CHM: variants seen among roughly 807,000 people sequenced by gnomAD.
CHM encodes the protein CHM Rab escort protein.
In CHM, 10 loss-of-function variants were observed where a neutral mutation model predicts 49.0. That is an observed-to-expected ratio of 0.20 (90% confidence interval 0.13 to 0.35). CHM has a LOEUF of 0.35. Ranked by LOEUF, CHM falls within the 10% of genes least tolerant of loss-of-function variation. The pLI is 1.00. For missense variants in CHM, 455 were observed against 478.4 expected (o/e 0.95, Z 0.46); for synonymous variants, 184 against 167.5 (o/e 1.10, Z -0.76).
chrX:86,041,735 TATATATATATATATATATATATAC>T (rs1934470742), intron 1 of CHM, among the ~76,000 whole-genome samples: 1 of 28,582 alleles, frequency 3.5e-5, no homozygotes, highest in East Asian at 1.3e-3. Context: ...TGTATATATA[TATATATATATATATATATATATAC>T]ATATATATAT....
intron 2 of CHM, among the ~76,000 whole-genome samples, chrX:86,022,195 T>C (rs1933636398): frequency 8.9e-6 from 1 of 111,933 alleles, no homozygotes; most frequent in African/African-American, 3.2e-5. Flanking sequence ...TAAATGACAA[T>C]TTTTAAAAAA....
chrX:85,963,925 T>C lies in CHM; in HGVS notation c.442A>G (p.Thr148Ala). 2.5e-6 allele frequency: 3 copies of C among 1,211,455 alleles called. No homozygotes were observed. Among genetic ancestry groups the C allele is most frequent in the South Asian group, 1.8e-5 (1 of 56,936 alleles). The change falls in exon 5 of 15, where the codon ACT becomes GCT. Residue 148 changes from threonine (T) to alanine (A), a missense_variant. Physicochemically the swap from Thr to Ala is moderately conservative, Grantham distance 58 (BLOSUM62 0). Coordinates refer to ENST00000357749, the MANE Select transcript of CHM (RefSeq NM_000390.4). ...FLPTEDESLS[T>A]MSCEMLTEQT... ...TCTGTGAGCATTTCACAGCTCATAG[T>C]GCTTAATGACTCATCCTCCGTAGGC...
At chrX:85,918,307 T>C (rs1927572249) in intron 8 of CHM, among the ~76,000 whole-genome samples, 1 of 111,538 alleles carries the variant, frequency 9.0e-6, no homozygotes, top group Admixed American at 9.5e-5. Context: ...ATATCTAGCC[T>C]AAGTGTCATA....
chrX:85,935,986 AT>A (rs895842795), intron 8 of CHM, among the ~76,000 whole-genome samples: 9 of 112,143 alleles, frequency 8.0e-5, no homozygotes, highest in African/African-American at 2.9e-4. Flanking sequence ...TGCTAATTAA[AT>A]TTTAAAAAGT....
intron 2 of CHM, among the ~76,000 whole-genome samples, chrX:86,013,182 C>A (rs1354078927): frequency 9.0e-6 from 1 of 111,412 alleles, no homozygotes; most frequent in Non-Finnish European, 1.9e-5. Context: ...CAATAAAATT[C>A]TTCTCTGCCC....
In CHM at chrX:86,009,726, T is replaced by C. The variant is rs1012566414; in HGVS notation, c.116+17765A>G. On this transcript the variant is annotated intron_variant, in intron 2 of 14. Coordinates refer to ENST00000357749, the MANE Select transcript of CHM (RefSeq NM_000390.4). ...ACTCTCAAATACATAGAGGCAAGGC[T>C]CTTGTAGAAATACCTAATGTAAACC... is the stretch of plus-strand genomic sequence containing the variant. 2.7e-5 allele frequency among the ~76,000 whole-genome samples: 3 copies of C among 111,522 alleles called. No individual in the cohort carries two copies. The East Asian group carries it at 8.5e-4, about 32-fold the overall frequency.
At chrX:85,869,040 T>C (rs1923885285) in intron 14 of CHM, among the ~76,000 whole-genome samples, 1 of 111,862 alleles carries the variant, frequency 8.9e-6, no homozygotes. Flanking sequence ...AATTCTACTG[T>C]CTTTGATTTA....
At chrX:85,908,941 G>A (rs1487351289) in intron 9 of CHM, among the ~76,000 whole-genome samples, 1 of 111,625 alleles carries the variant, frequency 9.0e-6, no homozygotes, top group Non-Finnish European at 1.9e-5. Context: ...TCTAAATAAG[G>A]AAAAGCCAAG....
At chrX:85,930,066 C>A (rs1050393599) in intron 8 of CHM, among the ~76,000 whole-genome samples, 1 of 110,132 alleles carries the variant, frequency 9.1e-6, no homozygotes. Context: ...CATGCCATTG[C>A]ACTCCAGCCT....
intron 8 of CHM, among the ~76,000 whole-genome samples, chrX:85,955,237 T>A (rs1929952245): frequency 9.0e-6 from 1 of 111,724 alleles, no homozygotes; most frequent in Non-Finnish European, 1.9e-5. Flanking sequence ...CATGTTAAAA[T>A]GAAGAGTATA....
In CHM at chrX:86,022,177, T is replaced by C. The variant is rs1401644464; in HGVS notation, c.116+5314A>G. Among the ~76,000 whole-genome samples the C allele has an allele frequency of 4.5e-5, 5 of 112,010 alleles. No homozygotes were observed. In the East Asian group the frequency reaches 1.4e-3, roughly 31 times the overall value. ...TAAAAATGGTTATGATGGTAAACTT[T>C]GCATGTTTAAATGACAATTTTTAAA... is the stretch of plus-strand genomic sequence containing the variant. On this transcript the variant is annotated intron_variant, in intron 2 of 14. Transcript: ENST00000357749.
intron 4 of CHM, among the ~76,000 whole-genome samples, chrX:85,974,828 A>G (rs1385939276): frequency 9.0e-6 from 1 of 111,418 alleles, no homozygotes; most frequent in African/African-American, 3.3e-5. Context: ...AAATAATAAT[A>G]ATTGATAAAT....
At chrX:85,981,601 T>C in intron 3 of CHM, 136 bp downstream of exon 3, 1 of 487,374 alleles carries the variant, frequency 2.1e-6, no homozygotes, top group Non-Finnish European at 3.4e-6. Context: ...CTTTACATAT[T>C]TTTTGTAAAA....
chrX:85,989,742 A>G (rs970076373), intron 2 of CHM, among the ~76,000 whole-genome samples: 8 of 111,948 alleles, frequency 7.1e-5, no homozygotes, highest in Non-Finnish European at 1.5e-4. Context: ...ATGGAAAAAA[A>G]ACTCAATATT....
chrX:85,997,528 C>T (rs1459292708), intron 2 of CHM, among the ~76,000 whole-genome samples: 1 of 111,201 alleles, frequency 9.0e-6, no homozygotes, highest in Non-Finnish European at 1.9e-5. Context: ...AAAACGGATG[C>T]CAATACAATG....
At chrX:85,887,441 CTCTT>C (rs1298822394) in intron 12 of CHM, among the ~76,000 whole-genome samples, 1 of 111,666 alleles carries the variant, frequency 9.0e-6, no homozygotes, top group African/African-American at 3.3e-5. Flanking sequence ...CATTATAAAC[CTCTT>C]TCTTTGGTAA....
intron 5 of CHM, 94 bp from the exon 6 acceptor site, chrX:85,959,071 T>C: frequency 1.9e-6 from 2 of 1,028,413 alleles, no homozygotes; most frequent in Non-Finnish European, 2.7e-6. Context: ...TTTTTTATTA[T>C]TTGTAGAAAC....
chrX:85,963,026 T>C (rs1930374698), intron 5 of CHM, among the ~76,000 whole-genome samples: 1 of 111,535 alleles, frequency 9.0e-6, no homozygotes, highest in South Asian at 3.8e-4. Context: ...ATACTTTAAG[T>C]TCTGGGATAC....
At position 85,981,005 on chromosome X, in the gene CHM, T is replaced by C. The variant is rs183546374; in HGVS notation, c.189+732A>G. Among the ~76,000 whole-genome samples the C allele has an allele frequency of 2.0e-3, 222 of 109,306 alleles. 1 individual carries two copies. The highest frequency in any genetic ancestry group is 7.1e-3 in the African/African-American group (212 of 30,018). The allele number at this position is 109,306 out of a possible 115,157, so 94.9% of individuals were successfully genotyped here. The stretch of plus-strand genomic sequence containing the variant: ...ATATTCCCCAAATTGTTAGGTTTTT[T>C]CTTTTTTTTCAAAAAAGGTTTTTGT... On this transcript the variant is annotated intron_variant, in intron 3 of 14. Transcript: ENST00000357749.
Sources: allele counts gnomAD v4.1 joint callset (sites outside exome capture counted in the v4.1 genomes callset), GRCh38; gene constraint gnomAD v4.1.1; transcripts MANE v1.5; gene names NCBI Gene and HGNC (gene_info 2026-07-23, HGNC 2026-07-21).